Variants in SLC13A1 observed in about 807,000 individuals in gnomAD.
SLC13A1 encodes the protein solute carrier family 13 member 1.
Under a neutral mutation model 70.0 loss-of-function variants are expected in SLC13A1, and 65 were observed. The observed-to-expected ratio is 0.93, with a 90% CI of 0.76 to 1.14. The LOEUF (loss-of-function observed/expected upper bound fraction) is 1.14, where lower values mean the gene tolerates loss of function less well. Among genes scored for constraint, SLC13A1 ranks in the 50% most tolerant of loss-of-function variants. SLC13A1 has a pLI of 0.00. For missense variants in SLC13A1, 726 were observed against 717.8 expected (o/e 1.01, Z -0.13); for synonymous variants, 275 against 250.5 (o/e 1.10, Z -0.92).
chr7:123,119,901 G>T (rs1021364214), intron 12 of SLC13A1, among the ~76,000 whole-genome samples: 1 of 151,776 alleles, frequency 6.6e-6, no homozygotes, highest in Non-Finnish European at 1.5e-5. Context: ...ACACCACTTA[G>T]CATACTATCA....
chr7:123,199,957 A>G lies in SLC13A1; in HGVS notation c.-11T>C. ...ACTGAAGAATTTCATTGTCCTGAGC[A>G]GGTGGCTTCAATAGTGTCCTCCAAA... On this transcript the variant is annotated 5_prime_UTR_variant, in exon 1 of 15. Coordinates refer to ENST00000194130, the MANE Select transcript of SLC13A1 (RefSeq NM_022444.4). 1 of 1,592,968 alleles carries G rather than the reference A, an allele frequency of 6.3e-7. No individual in the cohort carries two copies. The highest frequency in any genetic ancestry group is 1.3e-5 in the African/African-American group (1 of 74,510).
chr7:123,167,739 T>C (rs892302837), intron 6 of SLC13A1, among the ~76,000 whole-genome samples: 1 of 152,132 alleles, frequency 6.6e-6, no homozygotes, highest in Non-Finnish European at 1.5e-5. Flanking sequence ...CACCTGTATT[T>C]GACAGAAGCA....
At chr7:123,139,208 G>A (rs1420038720) in intron 7 of SLC13A1, among the ~76,000 whole-genome samples, 1 of 151,904 alleles carries the variant, frequency 6.6e-6, no homozygotes, top group Non-Finnish European at 1.5e-5. Context: ...CTCCTTTGTC[G>A]AAAATGAGTT....
Position 123,115,549 on chromosome 7 carries a change from G to T in SLC13A1, c.1757C>A (p.Ala586Asp), listed in dbSNP as rs762106668. ...CATGGTCTCATTACTCATAGCAGGA[G>T]CCCACGAAGGGTAAGTGTAGAGGTC... ...MFDLYTYPSWAPAMSNETMP is the reference protein window; with the variant it reads ...MFDLYTYPSWDPAMSNETMP Residue 586 changes from alanine to aspartate, a missense_variant, in exon 15 of 15, where the codon GCT becomes GAT. Coordinates refer to ENST00000194130, the MANE Select transcript of SLC13A1 (RefSeq NM_022444.4). 2 of 1,613,518 alleles carry T rather than the reference G, an allele frequency of 1.2e-6. No homozygotes were observed. The highest frequency in any genetic ancestry group is 1.7e-6 in the Non-Finnish European group (2 of 1,179,592).
intron 6 of SLC13A1, among the ~76,000 whole-genome samples, chr7:123,150,089 CA>C (rs1179814219): frequency 6.6e-6 from 1 of 152,152 alleles, no homozygotes; most frequent in Admixed American, 6.6e-5. Flanking sequence ...TTCATGATCA[CA>C]AACATCCAGT....
intron 12 of SLC13A1, among the ~76,000 whole-genome samples, chr7:123,121,108 GTTC>G (rs1793364197): frequency 6.6e-6 from 1 of 151,882 alleles, no homozygotes; most frequent in East Asian, 1.9e-4. Flanking sequence ...ATGTTCTAAT[GTTC>G]TTATCTCTTT....
intron 1 of SLC13A1, among the ~76,000 whole-genome samples, chr7:123,194,468 C>G (rs573911775): frequency 6.6e-6 from 1 of 152,154 alleles, no homozygotes; most frequent in African/African-American, 2.4e-5. Flanking sequence ...GCAAAACCAT[C>G]TTTTGTTTAG....
chr7:123,134,683 C>T (rs924497117), intron 7 of SLC13A1, among the ~76,000 whole-genome samples, 154 bp from the exon 8 acceptor site: 1 of 152,080 alleles, frequency 6.6e-6, no homozygotes, highest in Non-Finnish European at 1.5e-5. Flanking sequence ...TACTTTTACC[C>T]CTTGTCTCCT....
Position 123,113,780 on chromosome 7 carries a change from T to G in SLC13A1, c.*1738A>C, listed in dbSNP as rs898017517. 1.3e-5 allele frequency: 2 copies of G among 152,196 alleles called. No individual in the cohort carries two copies. The highest frequency in any genetic ancestry group is 2.9e-5 in the Non-Finnish European group (2 of 68,030). 9.4% of individuals were successfully genotyped at this position (152,196 alleles called of 1,614,324 possible). ...CAAATTTTTCTTTGAAAAAATGATT[T>G]TTTGCATTGGCCCATTAATAAACAT... On this transcript the variant is annotated 3_prime_UTR_variant, in exon 15 of 15. Coordinates refer to ENST00000194130, the MANE Select transcript of SLC13A1 (RefSeq NM_022444.4).
chr7:123,122,623 A>G (rs1367753957), intron 12 of SLC13A1, among the ~76,000 whole-genome samples: 1 of 152,000 alleles, frequency 6.6e-6, no homozygotes, highest in African/African-American at 2.4e-5. Context: ...GGTTATGTGA[A>G]TTTTTCTCCA....
At chr7:123,152,018 A>AGATTTTG (rs944143892) in intron 6 of SLC13A1, among the ~76,000 whole-genome samples, 135 of 94,884 alleles carry the variant, frequency 1.4e-3, no homozygotes, top group African/African-American at 3.4e-3. Context: ...AAAATCTGAA[A>AGATTTTG]GATTTTGTAA....
At chr7:123,188,339 G>A (rs901971118) in intron 1 of SLC13A1, among the ~76,000 whole-genome samples, 1 of 152,078 alleles carries the variant, frequency 6.6e-6, no homozygotes, top group African/African-American at 2.4e-5. Context: ...CCAGTCTCGG[G>A]CAGTTCTTTA....
rs186488842 is a variant in SLC13A1, at chr7:123,113,687, C to T, written c.*1831G>A. The T allele has an allele frequency of 5.0e-4, 76 of 151,656 alleles. No individual in the cohort carries two copies. The highest frequency in any genetic ancestry group is 1.7e-3 in the African/African-American group (72 of 41,336). 9.4% of individuals were successfully genotyped at this position (151,656 alleles called of 1,614,324 possible). On this transcript the variant is annotated 3_prime_UTR_variant, in exon 15 of 15. Coordinates refer to ENST00000194130, the MANE Select transcript of SLC13A1 (RefSeq NM_022444.4). ...GTGTAAAATATGGTAGGGAAAGGAA[C>T]AAATGAATAGAATAAACATAGAAGA...
chr7:123,165,973 A>T (rs1413842667), intron 6 of SLC13A1, among the ~76,000 whole-genome samples: 1 of 152,028 alleles, frequency 6.6e-6, no homozygotes, highest in South Asian at 2.1e-4. Flanking sequence ...TCTTGCACTC[A>T]TGAGTTCGCA....
At position 123,113,637 on chromosome 7, in the gene SLC13A1, T is replaced by C. The variant is rs1322263631; in HGVS notation, c.*1881A>G. ...TGACTAGAAAAAAGCAGAAATGTAA[T>C]AAATACTACAGATTATAAATACATG... On this transcript the variant is annotated 3_prime_UTR_variant, in exon 15 of 15. Coordinates refer to ENST00000194130, the MANE Select transcript of SLC13A1 (RefSeq NM_022444.4). 1 of 152,092 alleles carries C rather than the reference T, an allele frequency of 6.6e-6. No individual in the cohort carries two copies. Among genetic ancestry groups the C allele is most frequent in the African/African-American group, 2.4e-5 (1 of 41,430 alleles). 9.4% of individuals were successfully genotyped at this position (152,092 alleles called of 1,614,324 possible).
chr7:123,189,109 C>T (rs1263771139), intron 1 of SLC13A1, among the ~76,000 whole-genome samples: 14 of 53,214 alleles, frequency 2.6e-4, no homozygotes, highest in African/African-American at 9.7e-4. Flanking sequence ...AGCGAGACTC[C>T]GTCTCAAAAA....
chr7:123,164,236 C>T (rs1213718894), intron 6 of SLC13A1, among the ~76,000 whole-genome samples: 1 of 151,812 alleles, frequency 6.6e-6, no homozygotes, highest in Non-Finnish European at 1.5e-5. Flanking sequence ...ATATTACTGT[C>T]TGCTAAATAC....
At chr7:123,162,526 G>A (rs1027977721) in intron 6 of SLC13A1, among the ~76,000 whole-genome samples, 5 of 152,030 alleles carry the variant, frequency 3.3e-5, no homozygotes, top group Non-Finnish European at 7.4e-5. Flanking sequence ...GTCAGGTAAG[G>A]GTTGAGCAGT....
chr7:123,127,838 ATTTTTTTTT>A (rs201644707), intron 10 of SLC13A1, among the ~76,000 whole-genome samples: 2 of 106,782 alleles, frequency 1.9e-5, no homozygotes, highest in East Asian at 2.7e-4. Flanking sequence ...CCAAAATACA[ATTTTTTTTT>A]TTTTTTTTTT....
Sources: allele counts gnomAD v4.1 joint callset (sites outside exome capture counted in the v4.1 genomes callset), GRCh38; gene constraint gnomAD v4.1.1; transcripts MANE v1.5; gene names NCBI Gene and HGNC (gene_info 2026-07-23, HGNC 2026-07-21).